ACP7: variants seen among roughly 807,000 people sequenced by gnomAD.
The protein encoded by ACP7 is acid phosphatase 7, tartrate resistant (putative).
A neutral mutation model predicts 60.6 loss-of-function variants in ACP7; 58 were observed. The observed-to-expected ratio is 0.96, with a 90% CI of 0.77 to 1.19. ACP7 has a LOEUF of 1.19. ACP7 is among the 50% of genes most tolerant of loss of function. The pLI, the probability that ACP7 is intolerant of heterozygous loss-of-function variation, is 0.00. For missense variants in ACP7, 574 were observed against 596.2 expected, an observed-to-expected ratio of 0.96 and a Z score of 0.39; for synonymous variants, 237 against 232.6, an observed-to-expected ratio of 1.02 and a Z score of -0.17.
rs758939724 is a variant in ACP7, at chr19:39,101,466, G to C, written c.1042G>C (p.Val348Leu). Residue 348 changes from valine (V) to leucine (L), a missense_variant and splice_region_variant, in exon 11 of 13, where the codon GTA (valine) becomes CTA (leucine). Transcript: ENST00000331256. The part of the protein sequence containing the change: ...ERLWPIYNYQ[V>L]FNGSREMPYT... The stretch of plus-strand genomic sequence containing the variant: ...CACCCAACGTTGTTCCCTTCCCCAG[G>C]TATTTAACGGCAGCCGAGAGATGCC... 2 of 1,614,106 alleles carry C rather than the reference G, an allele frequency of 1.2e-6. No individual in the cohort carries two copies. Among genetic ancestry groups the C allele is most frequent in the East Asian group, 2.2e-5 (1 of 44,870 alleles).
intron 2 of ACP7, among the ~76,000 whole-genome samples, chr19:39,091,230 T>C (rs1290927014): frequency 6.6e-6 from 1 of 151,470 alleles, no homozygotes; most frequent in Non-Finnish European, 1.5e-5. Context: ...TGGCGTGATC[T>C]CAGCTCACAG....
intron 12 of ACP7, among the ~76,000 whole-genome samples, chr19:39,109,287 T>A (rs988846173): frequency 6.6e-6 from 1 of 152,148 alleles, no homozygotes; most frequent in Non-Finnish European, 1.5e-5. Flanking sequence ...GAGTGGCACA[T>A]GCACCGGGCG....
chr19:39,084,963 C>T (rs773016405), intron 1 of ACP7, 129 bp from the exon 2 acceptor site: 18 of 262,966 alleles, frequency 6.8e-5, no homozygotes, highest in Non-Finnish European at 1.2e-4. Context: ...CTCACAGCCA[C>T]CACTTCATAG....
intron 9 of ACP7, 33 bp downstream of exon 9, chr19:39,101,240 C>G: frequency 6.2e-7 from 1 of 1,614,170 alleles, no homozygotes; most frequent in Non-Finnish European, 8.5e-7. Context: ...GCCCCACACC[C>G]CACCTCTCCC....
intron 8 of ACP7, 39 bp downstream of exon 8, chr19:39,101,095 A>T: frequency 6.2e-7 from 1 of 1,613,916 alleles, no homozygotes; most frequent in Non-Finnish European, 8.5e-7. Flanking sequence ...GACATGCTGA[A>T]AGCCAGGTGG....
intron 12 of ACP7, 60 bp from the exon 13 acceptor site, chr19:39,109,993 T>C: frequency 1.3e-6 from 2 of 1,542,486 alleles, no homozygotes; most frequent in Admixed American, 1.7e-5. Flanking sequence ...ACCCAGGCCA[T>C]GTGGCCCCAG....
At chr19:39,102,743 C>CTT (rs1176692481) in intron 11 of ACP7, among the ~76,000 whole-genome samples, 2 of 82,530 alleles carry the variant, frequency 2.4e-5, no homozygotes, top group Non-Finnish European at 5.1e-5. Context: ...TTCTTTCTTT[C>CTT]TTTCTTTCTT....
chr19:39,108,406 G>C (rs1011318660), intron 12 of ACP7, among the ~76,000 whole-genome samples: 2 of 152,054 alleles, frequency 1.3e-5, no homozygotes, highest in African/African-American at 4.8e-5. Flanking sequence ...CTCCCAAAGT[G>C]CTGGGATTAC....
chr19:39,098,950 T>C lies in ACP7; in HGVS notation c.323-10T>C, dbSNP rs778699546. The C allele has an allele frequency of 3.2e-5, 52 of 1,605,830 alleles. No homozygotes were observed. The highest frequency in any genetic ancestry group is 4.0e-5 in the Non-Finnish European group (47 of 1,176,806). Reference sequence around the variant, plus strand: ...CCCAGCTGACTGCGACCTTTTCCTCTCCCATTCAGTTTATCGCTGTGGCAG... The same window carrying C: ...CCCAGCTGACTGCGACCTTTTCCTCCCCCATTCAGTTTATCGCTGTGGCAG... On this transcript the variant is annotated splice_polypyrimidine_tract_variant and intron_variant, in intron 3 of 12. Coordinates refer to ENST00000331256, the MANE Select transcript of ACP7 (RefSeq NM_001004318.3).
chr19:39,103,854 A>G (rs955175568), intron 11 of ACP7, among the ~76,000 whole-genome samples: 1 of 151,994 alleles, frequency 6.6e-6, no homozygotes, highest in Non-Finnish European at 1.5e-5. Flanking sequence ...TAATAGAGAC[A>G]GTCTCACTAT....
At chr19:39,109,046 T>A (rs1212909465) in intron 12 of ACP7, among the ~76,000 whole-genome samples, 1 of 152,224 alleles carries the variant, frequency 6.6e-6, no homozygotes, top group South Asian at 2.1e-4. Context: ...GGTCTTGAAC[T>A]CCTGACCTCA....
intron 12 of ACP7, among the ~76,000 whole-genome samples, 167 bp downstream of exon 12, chr19:39,107,251 C>T (rs1233231199): frequency 6.6e-6 from 1 of 152,018 alleles, no homozygotes; most frequent in Non-Finnish European, 1.5e-5. Context: ...AGTTCAAGAC[C>T]AGCCTGGGTA....
At chr19:39,084,882 T>C (rs2073123433) in intron 1 of ACP7, among the ~76,000 whole-genome samples, 1 of 152,062 alleles carries the variant, frequency 6.6e-6, no homozygotes. Context: ...CCTGGCTCCA[T>C]CCCATCCTAG....
At chr19:39,103,241 T>C (rs1449953807) in intron 11 of ACP7, among the ~76,000 whole-genome samples, 1 of 151,890 alleles carries the variant, frequency 6.6e-6, no homozygotes, top group Non-Finnish European at 1.5e-5. Flanking sequence ...GCCACATTTG[T>C]TCAGTTGGTT....
intron 12 of ACP7, among the ~76,000 whole-genome samples, chr19:39,107,986 G>C (rs1298981699): frequency 6.6e-6 from 1 of 152,144 alleles, no homozygotes; most frequent in Non-Finnish European, 1.5e-5. Flanking sequence ...AGGAGTTAGA[G>C]TTTGCAGTGA....
At chr19:39,090,365 C>T (rs1387668168) in intron 2 of ACP7, among the ~76,000 whole-genome samples, 1 of 152,070 alleles carries the variant, frequency 6.6e-6, no homozygotes, top group Non-Finnish European at 1.5e-5. Flanking sequence ...GACGGGGTTT[C>T]ACTGTGTTGC....
intron 11 of ACP7, among the ~76,000 whole-genome samples, chr19:39,102,308 G>T (rs775682276): frequency 7.2e-5 from 11 of 151,856 alleles, no homozygotes; most frequent in Non-Finnish European, 1.5e-4. Flanking sequence ...GACAAAGCAA[G>T]ATCCCATATC....
rs2073226443 is a variant in ACP7 at position 39,093,170 on chromosome 19, C to CTT, written c.122-5287_122-5286insTT. Among the ~76,000 whole-genome samples, 374 of 121,608 alleles carry CTT rather than the reference C, an allele frequency of 3.1e-3. 22 individuals are homozygous for CTT. Among genetic ancestry groups the CTT allele is most frequent in the African/African-American group, 3.7e-3 (114 of 30,866 alleles). 79.8% of individuals were successfully genotyped at this position (121,608 alleles called of 152,430 possible). ...TTTCTTTCTTTCTCTTTCTTTCTTT[C>CTT]TCTCCTTCCTTCCTTCCTTCTTTCT... is the stretch of plus-strand genomic sequence containing the variant. On this transcript the variant is annotated intron_variant, in intron 2 of 12. Coordinates refer to ENST00000331256, the MANE Select transcript of ACP7 (RefSeq NM_001004318.3).
intron 11 of ACP7, among the ~76,000 whole-genome samples, chr19:39,106,369 G>A (rs2073410664): frequency 6.6e-6 from 1 of 152,116 alleles, no homozygotes; most frequent in Non-Finnish European, 1.5e-5. Flanking sequence ...CTCCCTGATG[G>A]GCGTTGGGAT....
Sources: gnomAD v4.1 joint callset for allele counts (sites outside exome capture counted in the v4.1 genomes callset) on GRCh38, gnomAD v4.1.1 for gene constraint, MANE v1.5 for transcripts, NCBI Gene and HGNC (gene_info 2026-07-23, HGNC 2026-07-21) for gene names.